The following OR4K2 variants were observed in gnomAD, a reference collection of about 807,000 sequenced individuals.
OR4K2 encodes olfactory receptor 4K2.
In OR4K2, 8 loss-of-function variants were observed where a neutral mutation model predicts 10.5. The ratio of observed to expected loss-of-function variants is 0.76; its 90% CI spans 0.45 to 1.37. OR4K2 has a LOEUF of 1.37. OR4K2 is among the 40% of genes most tolerant of loss of function. The pLI, the probability that OR4K2 is intolerant of heterozygous loss-of-function variation, is 0.00. For synonymous variants in OR4K2, 178 were observed against 133.6 expected, an observed-to-expected ratio of 1.33 and a Z score of -2.29; for missense variants, 547 against 379.5, an observed-to-expected ratio of 1.44 and a Z score of -3.67.
rs1881064719 is a variant in OR4K2, at chr14:19,882,629, C to T, written c.*5417C>T. 1 of 152,236 alleles carries T rather than the reference C, an allele frequency of 6.6e-6. No individual in the cohort carries two copies. The highest frequency in any genetic ancestry group is 1.5e-5 in the Non-Finnish European group (1 of 68,076). 9.4% of individuals were successfully genotyped at this position (152,236 alleles called of 1,614,324 possible). On this transcript the variant is annotated 3_prime_UTR_variant, in exon 2 of 2. Coordinates refer to ENST00000641885, the MANE Select transcript of OR4K2 (RefSeq NM_001005501.2). ...TCATCTCGATGACAACTCTCTCCTC[C>T]AAAATTAACCATTACCCTGACTTAA...
In OR4K2 at chr14:19,882,116, T is replaced by G. The variant is rs1881052257; in HGVS notation, c.*4904T>G. 1 of 152,348 alleles carries G rather than the reference T, an allele frequency of 6.6e-6. No homozygotes were observed. Among genetic ancestry groups the G allele is most frequent in the African/African-American group, 2.4e-5 (1 of 41,438 alleles). 9.4% of individuals were successfully genotyped at this position (152,348 alleles called of 1,614,324 possible). A position where few individuals can be genotyped will look rare whatever the true frequency, so the allele number is the denominator to read the frequency against. On this transcript the variant is annotated 3_prime_UTR_variant, in exon 2 of 2. Transcript: ENST00000641885. ...AAGGGCAAAAGGCAAAAAGCCTTGG[T>G]GTCATTGCCACTCCTTCATCACCCT... is the stretch of plus-strand genomic sequence containing the variant.
chr14:19,876,472 A>C lies in OR4K2; in HGVS notation c.205A>C (p.Ile69Leu), dbSNP rs538835912. 2 of 1,614,142 alleles carry C rather than the reference A, an allele frequency of 1.2e-6. No homozygotes were observed. The highest frequency in any genetic ancestry group is 2.2e-5 in the South Asian group (2 of 91,086). The change falls in exon 2 of 2, where the codon ATT becomes CTT. Residue 69 changes from isoleucine to leucine, a missense_variant. Coordinates refer to ENST00000641885, the MANE Select transcript of OR4K2 (RefSeq NM_001005501.2). ...TTTCCTGCTTACCAATCTTTCAATC[A>C]TTGATATGTCTCTTGCTTCTTTCGC... ...MYFLLTNLSIIDMSLASFATP... is the reference protein window; with the variant it reads ...MYFLLTNLSILDMSLASFATP...
At position 19,876,596 on chromosome 14, in the gene OR4K2, C is replaced by A. The variant is rs760903142; in HGVS notation, c.329C>A (p.Thr110Asn). 40 of 1,614,216 alleles carry A rather than the reference C, an allele frequency of 2.5e-5. 2 individuals are homozygous for A. The Middle Eastern group carries it at 4.9e-4, about 20-fold the overall frequency. The change falls in exon 2 of 2, where the codon ACT becomes AAT. Residue 110 changes from threonine (T) to asparagine (N), a missense_variant. Coordinates refer to ENST00000641885, the MANE Select transcript of OR4K2 (RefSeq NM_001005501.2). ...QIFFLHLFTGTEIILLMAMSF... is the reference protein window; with the variant it reads ...QIFFLHLFTGNEIILLMAMSF... ...TTCTTTCTCCACCTTTTCACTGGAACTGAGATCATCTTACTCATGGCCATG... is the reference window on the plus strand; with the variant it reads ...TTCTTTCTCCACCTTTTCACTGGAAATGAGATCATCTTACTCATGGCCATG...
In OR4K2 at chr14:19,876,540, C is replaced by T; in HGVS notation, c.273C>T (p.Thr91=). The T allele has an allele frequency of 1.9e-6, 3 of 1,614,164 alleles. No homozygotes were observed. The highest frequency in any genetic ancestry group is 2.2e-5 in the East Asian group (1 of 44,890). ...MITDYLTGHK[T]ISFDGCLTQI... is the part of the protein sequence containing the mutation. ...CAGATTACCTAACAGGTCACAAAACCATCTCTTTTGATGGCTGCCTTACCC... is the reference window on the plus strand; with the variant it reads ...CAGATTACCTAACAGGTCACAAAACTATCTCTTTTGATGGCTGCCTTACCC... The change falls in exon 2 of 2, where the codon ACC becomes ACT. Residue 91 remains threonine, a synonymous_variant. Coordinates refer to ENST00000641885, the MANE Select transcript of OR4K2 (RefSeq NM_001005501.2).
At position 19,880,015 on chromosome 14, in the gene OR4K2, C is replaced by T. The variant is rs556388552; in HGVS notation, c.*2803C>T. On this transcript the variant is annotated 3_prime_UTR_variant, in exon 2 of 2. Transcript: ENST00000641885. ...TCAGGAGATGGCTTTAAATTCAGCC[C>T]AACACAAATTCATAAGCTTTCTTGA... 37 of 152,286 alleles carry T rather than the reference C, an allele frequency of 2.4e-4. No homozygotes were observed. The highest frequency in any genetic ancestry group is 4.4e-4 in the Non-Finnish European group (30 of 68,062). 9.4% of individuals were successfully genotyped at this position (152,286 alleles called of 1,614,324 possible). A position where few individuals can be genotyped will look rare whatever the true frequency, so the allele number is the denominator to read the frequency against.
chr14:19,876,551 A>T lies in OR4K2; in HGVS notation c.284A>T (p.Asp95Val), dbSNP rs554565875. Reference sequence around the variant, plus strand: ...ACAGGTCACAAAACCATCTCTTTTGATGGCTGCCTTACCCAGATATTCTTT... The same window carrying T: ...ACAGGTCACAAAACCATCTCTTTTGTTGGCTGCCTTACCCAGATATTCTTT... ...YLTGHKTISF[D>V]GCLTQIFFLH... is the part of the protein sequence containing the mutation. Residue 95 changes from aspartate (D) to valine (V), a missense_variant, in exon 2 of 2, where the codon GAT (aspartate) becomes GTT (valine). Asp to Val is a radical substitution (Grantham distance 152). Transcript: ENST00000641885. 8.1e-5 allele frequency: 131 copies of T among 1,614,120 alleles called. No homozygotes were observed. The South Asian group carries it at 1.3e-3, about 16-fold the overall frequency.
In OR4K2 at chr14:19,877,137, G is replaced by A. The variant is rs776666481; in HGVS notation, c.870G>A (p.Arg290=). The change falls in exon 2 of 2, where the codon AGG becomes AGA. Residue 290 remains arginine (R), a synonymous_variant. Transcript: ENST00000641885. ...TGAACCCAATAATCTATACTTTGAG[G>A]AATCAAGAAGTAAAGATAGCCATGA... ...PTLNPIIYTL[R]NQEVKIAMRK... The A allele has an allele frequency of 1.9e-6, 3 of 1,604,306 alleles. No homozygotes were observed. In the African/African-American group the frequency reaches 4.0e-5, roughly 21 times the overall value.
rs1443662160 is a variant in OR4K2 at position 19,880,207 on chromosome 14, T to G, written c.*2995T>G. On this transcript the variant is annotated 3_prime_UTR_variant, in exon 2 of 2. Coordinates refer to ENST00000641885, the MANE Select transcript of OR4K2 (RefSeq NM_001005501.2). Reference sequence around the variant, plus strand: ...AGGCTCTGCAGAATCTGAAGTCTAATGTGTAGTTTTAAAAGTCTTAGACTC... The same window carrying G: ...AGGCTCTGCAGAATCTGAAGTCTAAGGTGTAGTTTTAAAAGTCTTAGACTC... The G allele has an allele frequency of 6.6e-6, 1 of 152,618 alleles. No homozygotes were observed. The highest frequency in any genetic ancestry group is 1.5e-5 in the Non-Finnish European group (1 of 68,060). 9.5% of individuals were successfully genotyped at this position (152,618 alleles called of 1,614,324 possible). A position where few individuals can be genotyped will look rare whatever the true frequency, so the allele number is the denominator to read the frequency against.
At position 19,876,761 on chromosome 14, in the gene OR4K2, C is replaced by A. The variant is rs532614465; in HGVS notation, c.494C>A (p.Thr165Lys). The A allele has an allele frequency of 8.1e-6, 13 of 1,614,064 alleles. No individual in the cohort carries two copies. The highest frequency in any genetic ancestry group is 8.5e-7 in the Non-Finnish European group (1 of 1,180,016). ...HSMSQVIFAL[T>K]LPFCGPYEVD... is the part of the protein sequence containing the mutation. The stretch of plus-strand genomic sequence containing the variant: ...ATGAGTCAGGTCATATTTGCCCTCA[C>A]GTTACCATTCTGTGGTCCCTATGAG... Residue 165 changes from threonine (T) to lysine (K), a missense_variant, in exon 2 of 2, where the codon ACG (threonine) becomes AAG (lysine). By Grantham distance (78) the Thr-to-Lys change is moderately conservative. Transcript: ENST00000641885.
chr14:19,877,275 A>T lies in OR4K2; in HGVS notation c.*63A>T. On this transcript the variant is annotated 3_prime_UTR_variant, in exon 2 of 2. Coordinates refer to ENST00000641885, the MANE Select transcript of OR4K2 (RefSeq NM_001005501.2). ...AGGCTTTTCTTTCTAGAGGGTTCTTACCAAATTGTAATTGCCAAGAATTTG... is the reference window on the plus strand; with the variant it reads ...AGGCTTTTCTTTCTAGAGGGTTCTTTCCAAATTGTAATTGCCAAGAATTTG... The T allele has an allele frequency of 8.4e-7, 1 of 1,197,120 alleles. No individual in the cohort carries two copies. Among genetic ancestry groups the T allele is most frequent in the Non-Finnish European group, 1.2e-6 (1 of 861,468 alleles). 74.2% of individuals were successfully genotyped at this position (1,197,120 alleles called of 1,614,324 possible).
In OR4K2 at chr14:19,880,535, C is replaced by T. The variant is rs372759508; in HGVS notation, c.*3323C>T. 12 of 152,272 alleles carry T rather than the reference C, an allele frequency of 7.9e-5. No homozygotes were observed. Among genetic ancestry groups the T allele is most frequent in the African/African-American group, 2.9e-4 (12 of 41,552 alleles). 9.4% of individuals were successfully genotyped at this position (152,272 alleles called of 1,614,324 possible). On this transcript the variant is annotated 3_prime_UTR_variant, in exon 2 of 2. Coordinates refer to ENST00000641885, the MANE Select transcript of OR4K2 (RefSeq NM_001005501.2). The stretch of plus-strand genomic sequence containing the variant: ...TTGTTTAATTTAAAAGGTAAATTTT[C>T]ATTTATATGTTTTAAATATTCATGT...
Position 19,879,750 on chromosome 14 carries a change from A to G in OR4K2, c.*2538A>G, listed in dbSNP as rs1366907762. 1 of 152,272 alleles carries G rather than the reference A, an allele frequency of 6.6e-6. No individual in the cohort carries two copies. Among genetic ancestry groups the G allele is most frequent in the Admixed American group, 6.5e-5 (1 of 15,284 alleles). 9.4% of individuals were successfully genotyped at this position (152,272 alleles called of 1,614,324 possible). ...AACTACAAATTATGTTTGTTTCTAA[A>G]AATGCTTAAGAAAACTTTTAGAATA... On this transcript the variant is annotated 3_prime_UTR_variant, in exon 2 of 2. Coordinates refer to ENST00000641885, the MANE Select transcript of OR4K2 (RefSeq NM_001005501.2).
In OR4K2 at chr14:19,883,795, T is replaced by G. The variant is rs1412236026; in HGVS notation, c.*6583T>G. The G allele has an allele frequency of 1.3e-5, 2 of 152,248 alleles. No individual in the cohort carries two copies. The highest frequency in any genetic ancestry group is 2.9e-5 in the Non-Finnish European group (2 of 68,044). The allele number at this position is 152,248 out of a possible 1,614,324, so 9.4% of individuals were successfully genotyped here. A position where few individuals can be genotyped will look rare whatever the true frequency, so the allele number is the denominator to read the frequency against. On this transcript the variant is annotated 3_prime_UTR_variant, in exon 2 of 2. Transcript: ENST00000641885. ...AACATCTTTATATAACTTTTCCAAT[T>G]TTTTAAAGAAAGATACCTCTCTTGC...
chr14:19,881,265 C>G lies in OR4K2; in HGVS notation c.*4053C>G, dbSNP rs1012990364. The stretch of plus-strand genomic sequence containing the variant: ...TACTCTCAGATGCCAATGAAATCCG[C>G]TAAGCAACTTGATAGTTTTTTGGTT... On this transcript the variant is annotated 3_prime_UTR_variant, in exon 2 of 2. Coordinates refer to ENST00000641885, the MANE Select transcript of OR4K2 (RefSeq NM_001005501.2). The G allele has an allele frequency of 6.6e-6, 1 of 152,236 alleles. No individual in the cohort carries two copies. Among genetic ancestry groups the G allele is most frequent in the South Asian group, 2.1e-4 (1 of 4,832 alleles). 9.4% of individuals were successfully genotyped at this position (152,236 alleles called of 1,614,324 possible).
Position 19,878,721 on chromosome 14 carries a change from CATAAA to C in OR4K2, c.*1516_*1520del, listed in dbSNP as rs1880970496. 6.6e-6 allele frequency: 1 copy of C among 152,180 alleles called. No individual in the cohort carries two copies. 9.4% of individuals were successfully genotyped at this position (152,180 alleles called of 1,614,324 possible). On this transcript the variant is annotated 3_prime_UTR_variant, in exon 2 of 2. Transcript: ENST00000641885. The stretch of plus-strand genomic sequence containing the variant: ...TAGATAATAACGTCTACAGTATTAA[CATAAA>C]ATAAAACATGCTTCTGTAAGCACAA...
At position 19,876,305 on chromosome 14, in the gene OR4K2, T is replaced by C. The variant is rs1880893399; in HGVS notation, c.38T>C (p.Val13Ala). The C allele has an allele frequency of 6.2e-7, 1 of 1,613,572 alleles. No individual in the cohort carries two copies. Among genetic ancestry groups the C allele is most frequent in the Admixed American group, 1.7e-5 (1 of 59,952 alleles). Reference sequence around the variant, plus strand: ...AATAAGTCTACCATGTCTGAATTTGTTTTGCTGGGGCTCTCTAATTCCTGG... The same window carrying C: ...AATAAGTCTACCATGTCTGAATTTGCTTTGCTGGGGCTCTCTAATTCCTGG... ...VGNKSTMSEFVLLGLSNSWEL... is the reference protein window; with the variant it reads ...VGNKSTMSEFALLGLSNSWEL... The change falls in exon 2 of 2, where the codon GTT becomes GCT. Residue 13 changes from valine (V) to alanine (A), a missense_variant. Physicochemically the swap from Val to Ala is moderately conservative, Grantham distance 64 (BLOSUM62 0). Transcript: ENST00000641885.
Position 19,876,877 on chromosome 14 carries a change from G to A in OR4K2, c.610G>A (p.Gly204Ser). ...GGGCCTCTTTATGATCTCAACAAGTGGCATAATTGCGTTGTCCTGTTTTAT... is the reference window on the plus strand; with the variant it reads ...GGGCCTCTTTATGATCTCAACAAGTAGCATAATTGCGTTGTCCTGTTTTAT... ...VLGLFMISTS[G>S]IIALSCFIVL... The change falls in exon 2 of 2, where the codon GGC (glycine) becomes AGC (serine). Residue 204 changes from glycine (G) to serine (S), a missense_variant. Coordinates refer to ENST00000641885, the MANE Select transcript of OR4K2 (RefSeq NM_001005501.2). The A allele has an allele frequency of 1.9e-6, 3 of 1,614,140 alleles. No individual in the cohort carries two copies. Among genetic ancestry groups the A allele is most frequent in the Admixed American group, 3.3e-5 (2 of 60,018 alleles).
At chr14:19,876,159 T>A in intron 1 of OR4K2, 25 bp downstream of exon 1, 1 of 925,642 alleles carries the variant, frequency 1.1e-6, no homozygotes, top group Non-Finnish European at 1.6e-6. Flanking sequence ...AAGATAAAAT[T>A]TCTGAAAGTA....
chr14:19,882,831 T>TTC lies in OR4K2; in HGVS notation c.*5620_*5621insCT, dbSNP rs1881071157. 9.6e-6 allele frequency: 1 copy of TTC among 103,842 alleles called. No homozygotes were observed. Among genetic ancestry groups the TTC allele is most frequent in the African/African-American group, 2.8e-5 (1 of 36,276 alleles). The allele number at this position is 103,842 out of a possible 1,614,324, so 6.4% of individuals were successfully genotyped here. A position where few individuals can be genotyped will look rare whatever the true frequency, so the allele number is the denominator to read the frequency against. Reference sequence around the variant, plus strand: ...ATCTTTCTTTTTCTTTTTTTTTTCTTTTTTTTTTTTTTTTGAGACGGAGTC... The same window carrying TTC: ...ATCTTTCTTTTTCTTTTTTTTTTCTTTCTTTTTTTTTTTTTTGAGACGGAGTC... On this transcript the variant is annotated 3_prime_UTR_variant, in exon 2 of 2. Transcript: ENST00000641885.
Sources: allele counts gnomAD v4.1 joint callset, GRCh38; gene constraint gnomAD v4.1.1; transcripts MANE v1.5; gene names NCBI Gene and HGNC (gene_info 2026-07-23, HGNC 2026-07-21).